The following PCSK5 variants were observed in gnomAD, a reference collection of about 807,000 sequenced individuals.
PCSK5 encodes the protein prohormone convertase 5.
In PCSK5, 129 loss-of-function variants were observed where a neutral mutation model predicts 233.2. The observed-to-expected ratio is 0.55, with a 90% confidence interval of 0.48 to 0.64. PCSK5 has a LOEUF of 0.64. PCSK5 is among the 30% of genes least tolerant of loss of function. PCSK5 has a pLI of 0.00. For missense variants in PCSK5, 2,076 were observed against 2,430.1 expected (o/e 0.85, Z 3.06); for synonymous variants, 825 against 879.2 (o/e 0.94, Z 1.09).
At chr9:75,891,702 A>G (rs139542375) in intron 1 of PCSK5, among the ~76,000 whole-genome samples, 229 of 152,026 alleles carry the variant, frequency 1.5e-3, no homozygotes, top group Non-Finnish European at 2.8e-3. Flanking sequence ...AAAGTCGAGT[A>G]GCACTAGTAA....
chr9:76,096,460 C>T (rs549022902), intron 8 of PCSK5, among the ~76,000 whole-genome samples: 4 of 152,218 alleles, frequency 2.6e-5, no homozygotes, highest in African/African-American at 7.2e-5. Context: ...GTTTCCGCAC[C>T]GACTTTTAAC....
At chr9:76,219,676 T>C (rs546292196) in intron 20 of PCSK5, among the ~76,000 whole-genome samples, 11 of 152,106 alleles carry the variant, frequency 7.2e-5, no homozygotes, top group African/African-American at 2.2e-4. Flanking sequence ...TGCTCACTCA[T>C]GGGAAGCGCT....
At chr9:76,196,233 A>G (rs956804027) in intron 20 of PCSK5, among the ~76,000 whole-genome samples, 42 of 152,240 alleles carry the variant, frequency 2.8e-4, no homozygotes, top group African/African-American at 9.4e-4. Context: ...TTCTTCCTGT[A>G]GTGCGCAGCA....
At chr9:75,900,690 A>C (rs1825990267) in intron 1 of PCSK5, among the ~76,000 whole-genome samples, 2 of 148,512 alleles carry the variant, frequency 1.3e-5, no homozygotes, top group African/African-American at 2.5e-5. Flanking sequence ...AAAAAAAAAA[A>C]AAAACAAACA....
intron 20 of PCSK5, among the ~76,000 whole-genome samples, chr9:76,209,150 A>G (rs1338807832): frequency 2.0e-5 from 3 of 152,244 alleles, no homozygotes; most frequent in Non-Finnish European, 4.4e-5. Flanking sequence ...TGTCTAGCCT[A>G]CTAAAAGCAA....
At chr9:76,262,170 A>G (rs1827196045) in intron 24 of PCSK5, among the ~76,000 whole-genome samples, 1 of 152,178 alleles carries the variant, frequency 6.6e-6, no homozygotes, top group South Asian at 2.1e-4. Flanking sequence ...ATGGGTAGGA[A>G]GAATCAATAT....
At chr9:76,346,038 C>A (rs1015358369) in intron 35 of PCSK5, among the ~76,000 whole-genome samples, 3 of 152,140 alleles carry the variant, frequency 2.0e-5, no homozygotes, top group African/African-American at 4.8e-5. Flanking sequence ...ACATTTAAAT[C>A]TTTAATCCAT....
At chr9:76,240,163 A>G (rs568924114) in intron 23 of PCSK5, among the ~76,000 whole-genome samples, 15 of 152,348 alleles carry the variant, frequency 9.8e-5, no homozygotes, top group Admixed American at 6.5e-4. Context: ...AGAGAGCTCC[A>G]AGACATTTTT....
chr9:76,129,972 G>A (rs917977042), intron 9 of PCSK5, among the ~76,000 whole-genome samples: 6 of 152,124 alleles, frequency 3.9e-5, no homozygotes, highest in African/African-American at 1.4e-4. Context: ...TTCACTGAAC[G>A]GAGAAGAGTC....
intron 30 of PCSK5, among the ~76,000 whole-genome samples, chr9:76,311,868 C>T (rs1325084705): frequency 4.6e-5 from 7 of 152,198 alleles, no homozygotes; most frequent in South Asian, 4.1e-4. Context: ...GCTCCAGACA[C>T]GGTCACCCCA....
At chr9:76,176,432 G>A (rs11144778) in intron 14 of PCSK5, among the ~76,000 whole-genome samples, 2 of 152,078 alleles carry the variant, frequency 1.3e-5, no homozygotes, top group Admixed American at 1.3e-4. Flanking sequence ...TATATTTGTA[G>A]AACATCTGCT....
At chr9:76,064,189 C>A (rs1443808597) in intron 5 of PCSK5, among the ~76,000 whole-genome samples, 79 of 111,370 alleles carry the variant, frequency 7.1e-4, no homozygotes, top group Middle Eastern at 5.6e-3. Context: ...GGGGGCTGAC[C>A]CCCCCACCTC....
chr9:76,259,174 A>G (rs1458020632), intron 24 of PCSK5, among the ~76,000 whole-genome samples: 3 of 152,148 alleles, frequency 2.0e-5, no homozygotes, highest in Non-Finnish European at 4.4e-5. Context: ...ACTTTTTTCA[A>G]AAGAGCCTTA....
chr9:75,998,368 G>A (rs1392258639), intron 3 of PCSK5, among the ~76,000 whole-genome samples: 1 of 152,104 alleles, frequency 6.6e-6, no homozygotes, highest in East Asian at 1.9e-4. Context: ...CAAACACTGT[G>A]CATGTTTTTG....
chr9:76,007,072 A>G (rs976878944), intron 3 of PCSK5, among the ~76,000 whole-genome samples: 1 of 152,128 alleles, frequency 6.6e-6, no homozygotes, highest in Admixed American at 6.5e-5. Context: ...GCTCCTGATT[A>G]TATTTTCAGT....
intron 5 of PCSK5, among the ~76,000 whole-genome samples, chr9:76,053,618 A>T (rs1429444448): frequency 6.6e-6 from 1 of 152,162 alleles, no homozygotes; most frequent in Non-Finnish European, 1.5e-5. Flanking sequence ...TCTTTCTTAA[A>T]GCATAATGAG....
chr9:76,085,101 C>T (rs976630818), intron 7 of PCSK5, among the ~76,000 whole-genome samples: 6 of 152,206 alleles, frequency 3.9e-5, no homozygotes, highest in African/African-American at 1.2e-4. Context: ...TTTCTGCCAT[C>T]GTGCTCTGTG....
chr9:76,200,626 G>A (rs2131269137), intron 20 of PCSK5, among the ~76,000 whole-genome samples: 1 of 152,296 alleles, frequency 6.6e-6, no homozygotes, highest in South Asian at 2.1e-4. Context: ...TTTGACCTGG[G>A]CCTTGAAGGA....
chr9:76,350,575 C>A (rs2803407), intron 35 of PCSK5, among the ~76,000 whole-genome samples: 120,864 of 152,128 alleles, frequency 0.79, 49,320 homozygotes, highest in East Asian at 0.89. Flanking sequence ...TTCTCTGAAA[C>A]TCTTTCCTCT....
Sources: gnomAD v4.1 joint callset for allele counts (sites outside exome capture counted in the v4.1 genomes callset) on GRCh38, gnomAD v4.1.1 for gene constraint, MANE v1.5 for transcripts, NCBI Gene and HGNC (gene_info 2026-07-23, HGNC 2026-07-21) for gene names.